CACNA1C: variants seen among roughly 807,000 people sequenced by gnomAD.
CACNA1C encodes the protein voltage-dependent L-type calcium channel subunit alpha-1C.
A neutral mutation model predicts 229.0 loss-of-function variants in CACNA1C; 30 were observed. The observed-to-expected ratio is 0.13, with a 90% CI of 0.10 to 0.18. CACNA1C has a LOEUF of 0.18. Ranked by LOEUF, CACNA1C falls within the 10% of genes least tolerant of loss-of-function variation. The pLI is 1.00. For synonymous variants in CACNA1C, 1,114 were observed against 1,132.5 expected (o/e 0.98, Z 0.33); for missense variants, 1,658 against 2,845.0 (o/e 0.58, Z 9.49).
intron 3 of CACNA1C, among the ~76,000 whole-genome samples, chr12:2,432,907 T>C (rs973487339): frequency 1.3e-5 from 2 of 152,046 alleles, no homozygotes; most frequent in African/African-American, 4.8e-5. Flanking sequence ...CAGGAAGGAA[T>C]TGGAGACTGA....
chr12:2,634,286 GC>G lies in CACNA1C; in HGVS notation c.3829-7del. On this transcript the variant is annotated splice_polypyrimidine_tract_variant and intron_variant, in intron 29 of 46. Coordinates refer to ENST00000399655, the MANE Select transcript of CACNA1C (RefSeq NM_000719.7). Reference sequence around the variant, plus strand: ...TCTTCTCTCTCTCCCCGGCTGCTCTGCCCCATGCAGCACTATTTCTGTGATG... The same window carrying G: ...TCTTCTCTCTCTCCCCGGCTGCTCTGCCCATGCAGCACTATTTCTGTGATG... The G allele has an allele frequency of 6.7e-7, 1 of 1,484,082 alleles. No individual in the cohort carries two copies. The allele number at this position is 1,484,082 out of a possible 1,614,324, so 91.9% of individuals were successfully genotyped here. A position where few individuals can be genotyped will look rare whatever the true frequency, so the allele number is the denominator to read the frequency against.
At chr12:1,997,239 T>A (rs1350929100) in intron 1 of CACNA1C, among the ~76,000 whole-genome samples, 1 of 152,210 alleles carries the variant, frequency 6.6e-6, no homozygotes, top group African/African-American at 2.4e-5. Flanking sequence ...GGGAGAAAAG[T>A]GATCAACAGC....
At chr12:2,549,729 A>G (rs958735027) in intron 9 of CACNA1C, among the ~76,000 whole-genome samples, 4 of 152,158 alleles carry the variant, frequency 2.6e-5, no homozygotes, top group African/African-American at 9.7e-5. Context: ...TACTTCCATT[A>G]GTTTACAGTG....
chr12:2,093,646 T>C (rs1418612299), intron 1 of CACNA1C, among the ~76,000 whole-genome samples: 1 of 152,194 alleles, frequency 6.6e-6, no homozygotes, highest in Non-Finnish European at 1.5e-5. Flanking sequence ...GGCTGCTCCT[T>C]TCCCTCATCG....
chr12:2,021,696 C>G (rs1023026810), intron 1 of CACNA1C, among the ~76,000 whole-genome samples: 1 of 151,976 alleles, frequency 6.6e-6, no homozygotes, highest in African/African-American at 2.4e-5. Flanking sequence ...AAAAAGACAT[C>G]TTTTCTCTCA....
chr12:2,141,535 C>T (rs1245143458), intron 3 of CACNA1C, among the ~76,000 whole-genome samples: 1 of 151,384 alleles, frequency 6.6e-6, no homozygotes, highest in Non-Finnish European at 1.5e-5. Flanking sequence ...GTGGGCTTGG[C>T]CATCCAGCCT....
At chr12:2,529,848 G>C (rs1445888914) in intron 9 of CACNA1C, among the ~76,000 whole-genome samples, 13 of 152,206 alleles carry the variant, frequency 8.5e-5, no homozygotes, top group Non-Finnish European at 1.9e-4. Flanking sequence ...AGGCCAGCTA[G>C]CCAGCTAAGA....
intron 1 of CACNA1C, among the ~76,000 whole-genome samples, chr12:1,974,700 C>G (rs1476143852): frequency 1.3e-5 from 2 of 152,130 alleles, no homozygotes; most frequent in Non-Finnish European, 2.9e-5. Flanking sequence ...TTGATAATGG[C>G]AATCCCAAGC....
intron 3 of CACNA1C, among the ~76,000 whole-genome samples, chr12:2,326,302 G>A (rs2096290123): frequency 6.6e-6 from 1 of 152,190 alleles, no homozygotes; most frequent in Admixed American, 6.5e-5. Context: ...CATCAGCTGG[G>A]AATCTTGTTA....
chr12:2,138,355 G>A (rs2093764721), intron 3 of CACNA1C, among the ~76,000 whole-genome samples: 1 of 151,266 alleles, frequency 6.6e-6, no homozygotes, highest in Admixed American at 6.7e-5. Flanking sequence ...GCCTGTGCTT[G>A]CAGATGGATC....
At chr12:2,446,772 G>A (rs1322773693) in intron 3 of CACNA1C, among the ~76,000 whole-genome samples, 2 of 151,542 alleles carry the variant, frequency 1.3e-5, no homozygotes, top group Non-Finnish European at 2.9e-5. Context: ...GGGTGGGTGG[G>A]TGAATGGATG....
chr12:2,584,600 G>A lies in CACNA1C; in HGVS notation c.2322G>A (p.Glu774=), dbSNP rs367838631. ...AAAAGGAGGAGGAAGAGGAGAAGGA[G>A]AGAAAGAAGCTGGCCAGGTAACCCT... ...SAQKEEEEEK[E]RKKLARTASP... is the part of the protein sequence containing the mutation. Residue 774 remains glutamate, a synonymous_variant, in exon 16 of 47, where the codon GAG becomes GAA. Coordinates refer to ENST00000399655, the MANE Select transcript of CACNA1C (RefSeq NM_000719.7). 1.2e-6 allele frequency: 2 copies of A among 1,612,746 alleles called. No homozygotes were observed. The highest frequency in any genetic ancestry group is 1.7e-6 in the Non-Finnish European group (2 of 1,179,174).
At chr12:2,606,461 C>A in intron 24 of CACNA1C, 150 bp from the exon 25 acceptor site, 2 of 672,418 alleles carry the variant, frequency 3.0e-6, no homozygotes, top group South Asian at 3.4e-5. Flanking sequence ...CCGTTCTGTG[C>A]GTGTGAGTCA....
intron 1 of CACNA1C, among the ~76,000 whole-genome samples, chr12:2,063,717 G>A (rs2058360491): frequency 6.6e-6 from 1 of 152,166 alleles, no homozygotes; most frequent in African/African-American, 2.4e-5. Flanking sequence ...CCATGTGTCA[G>A]GACTTCGTTC....
At position 2,666,911 on chromosome 12, in the gene CACNA1C, C is replaced by G. The variant is rs2096155234; in HGVS notation, c.4623+129C>G. On this transcript the variant is annotated intron_variant, in intron 37 of 46. Transcript: ENST00000399655. The surrounding 1 kb of genome is among the most constrained non-coding windows in gnomAD (Gnocchi z 5.3). ...TAAAGATTACATTTTAAGGGTCCTTCCAGCTCTAAATTCTCAGACTCTATG... is the reference window on the plus strand; with the variant it reads ...TAAAGATTACATTTTAAGGGTCCTTGCAGCTCTAAATTCTCAGACTCTATG... 1 of 673,294 alleles carries G rather than the reference C, an allele frequency of 1.5e-6. No individual in the cohort carries two copies. Among genetic ancestry groups the G allele is most frequent in the Non-Finnish European group, 2.7e-6 (1 of 373,388 alleles). The allele number at this position is 673,294 out of a possible 1,614,324, so 41.7% of individuals were successfully genotyped here. A position where few individuals can be genotyped will look rare whatever the true frequency, so the allele number is the denominator to read the frequency against.
chr12:2,089,843 G>T (rs140262476), intron 1 of CACNA1C, among the ~76,000 whole-genome samples: 1 of 149,644 alleles, frequency 6.7e-6, no homozygotes, highest in African/African-American at 2.5e-5. Flanking sequence ...GACCAGCCTG[G>T]CCAACATAGT....
At chr12:2,056,186 AGTGTGTGTGAGTGTGTGTGTGTGTGTGT>A (rs1232146297) in intron 1 of CACNA1C, among the ~76,000 whole-genome samples, 10 of 103,598 alleles carry the variant, frequency 9.7e-5, no homozygotes, top group Admixed American at 7.3e-4. Context: ...TGCATGTGTG[AGTGTGTGTGAGTGTGTGTGTGTGTGTGT>A]GTGTGTGTGT....
Position 2,199,869 on chromosome 12 carries a change from A to G in CACNA1C, c.477+79439A>G, listed in dbSNP as rs2097533669. On this transcript the variant is annotated intron_variant, in intron 3 of 46. Coordinates refer to ENST00000399655, the MANE Select transcript of CACNA1C (RefSeq NM_000719.7). Reference sequence around the variant, plus strand: ...TGCACTCAGTCTGGGCAACAGAGTGAGGCCCTGGCTCAAAAATAATACCAA... The same window carrying G: ...TGCACTCAGTCTGGGCAACAGAGTGGGGCCCTGGCTCAAAAATAATACCAA... Among the ~76,000 whole-genome samples, 3 of 152,176 alleles carry G rather than the reference A, an allele frequency of 2.0e-5. 1 individual carries two copies. The South Asian group carries it at 6.2e-4, about 32-fold the overall frequency.
chr12:2,332,362 TA>T (rs1055578841), intron 3 of CACNA1C, among the ~76,000 whole-genome samples: 1 of 152,140 alleles, frequency 6.6e-6, no homozygotes, highest in African/African-American at 2.4e-5. Flanking sequence ...AATAAAAAGA[TA>T]AAAAGAAAAA....
Sources: gnomAD v4.1 joint callset for allele counts (sites outside exome capture counted in the v4.1 genomes callset) on GRCh38, gnomAD v4.1.1 for gene constraint, Gnocchi (gnomAD v3.1) non-coding constraint, MANE v1.5 for transcripts, NCBI Gene and HGNC (gene_info 2026-07-23, HGNC 2026-07-21) for gene names.